Variants in TSPEAR observed in about 807,000 individuals in gnomAD.
TSPEAR encodes the protein thrombospondin-type laminin G domain and EAR repeat-containing protein.
In TSPEAR, 69 loss-of-function variants were observed where a neutral mutation model predicts 71.6. The ratio of observed to expected loss-of-function variants is 0.96; its 90% CI spans 0.79 to 1.18. The LOEUF (loss-of-function observed/expected upper bound fraction) is 1.18, where lower values mean the gene tolerates loss of function less well. Among genes scored for constraint, TSPEAR ranks in the 50% most tolerant of loss-of-function variants. The pLI, the probability that TSPEAR is intolerant of heterozygous loss-of-function variation, is 0.00. For missense variants in TSPEAR, 971 were observed against 894.9 expected (o/e 1.09, Z -1.09); for synonymous variants, 402 against 387.2 (o/e 1.04, Z -0.45).
At chr21:44,573,667 T>TA (rs1978293952) in intron 1 of TSPEAR, 1 of 1,552,742 alleles carries the variant, frequency 6.4e-7, no homozygotes, top group African/African-American at 1.4e-5. Context: ...AGGAGGAGTA[T>TA]AAAAGCCCCA....
chr21:44,619,192 C>A (rs185278269), intron 1 of TSPEAR, among the ~76,000 whole-genome samples: 1 of 152,232 alleles, frequency 6.6e-6, no homozygotes, highest in African/African-American at 2.4e-5. Context: ...CAGCTACAAA[C>A]CCTGAAGAAA....
At chr21:44,579,435 A>G (rs1361851085) in intron 1 of TSPEAR, 10 of 472,068 alleles carry the variant, frequency 2.1e-5, no homozygotes, top group African/African-American at 1.6e-4. Flanking sequence ...TATCCCCAGG[A>G]GCACTACAGA....
chr21:44,572,298 C>T (rs182197624), intron 1 of TSPEAR, among the ~76,000 whole-genome samples: 13 of 152,252 alleles, frequency 8.5e-5, no homozygotes, highest in African/African-American at 2.9e-4. Context: ...CAGGACCCAC[C>T]GGAAGTTGGT....
intron 1 of TSPEAR, chr21:44,702,719 C>G: frequency 6.8e-7 from 1 of 1,463,888 alleles, no homozygotes; most frequent in Non-Finnish European, 9.5e-7. Flanking sequence ...CACCCAGCCT[C>G]CTGCGTGTCC....
At chr21:44,688,313 G>T (rs1986952628) in intron 1 of TSPEAR, among the ~76,000 whole-genome samples, 1 of 152,168 alleles carries the variant, frequency 6.6e-6, no homozygotes. Context: ...AAACAGTGTG[G>T]CTGCCCCAGG....
At chr21:44,647,528 C>G in intron 1 of TSPEAR, 1 of 795,028 alleles carries the variant, frequency 1.3e-6, no homozygotes, top group Non-Finnish European at 2.0e-6. Context: ...TGGGAAGAGA[C>G]AACCCACAAA....
At chr21:44,666,819 G>C (rs200595125) in intron 1 of TSPEAR, 2 of 1,609,628 alleles carry the variant, frequency 1.2e-6, no homozygotes, top group African/African-American at 2.7e-5. Context: ...CACACAACAG[G>C]CTGGCTGGCA....
At chr21:44,665,025 T>C (rs1480997365) in intron 1 of TSPEAR, among the ~76,000 whole-genome samples, 1 of 152,188 alleles carries the variant, frequency 6.6e-6, no homozygotes, top group Non-Finnish European at 1.5e-5. Context: ...AGTGCTTACG[T>C]GTGTGCATAA....
intron 1 of TSPEAR, among the ~76,000 whole-genome samples, chr21:44,703,249 T>C (rs1317075063): frequency 6.6e-6 from 1 of 152,200 alleles, no homozygotes; most frequent in South Asian, 2.1e-4. Context: ...ACGAGCCACG[T>C]CATGGGAGCA....
intron 1 of TSPEAR, among the ~76,000 whole-genome samples, chr21:44,568,422 T>C (rs1328722610): frequency 3.9e-5 from 6 of 152,204 alleles, no homozygotes; most frequent in Non-Finnish European, 8.8e-5. Flanking sequence ...CCCAGGCTCC[T>C]GTCTGCTGGC....
At chr21:44,697,697 T>A in intron 1 of TSPEAR, 1 of 1,612,840 alleles carries the variant, frequency 6.2e-7, no homozygotes, top group Non-Finnish European at 8.5e-7. Context: ...TGTGCCTGTC[T>A]GCTCTGGGGC....
chr21:44,709,438 C>A (rs1267249156), intron 1 of TSPEAR, among the ~76,000 whole-genome samples: 1 of 152,256 alleles, frequency 6.6e-6, no homozygotes, highest in East Asian at 1.9e-4. Flanking sequence ...TTCCCCAAAG[C>A]CTGGCAGTCA....
rs1213939626 is a variant in TSPEAR, at chr21:44,637,341, A to G, written c.83-69336T>C. On this transcript the variant is annotated intron_variant, in intron 1 of 11. Coordinates refer to ENST00000323084, the MANE Select transcript of TSPEAR (RefSeq NM_144991.3). ...GGGCATATAAAAGCCCCAGCAGCTG[A>G]CAGGCTCACACACACACTCACTCAC... 13 of 1,530,744 alleles carry G rather than the reference A, an allele frequency of 8.5e-6. No homozygotes were observed. The Admixed American group carries it at 2.6e-4, about 30-fold the overall frequency. The allele number at this position is 1,530,744 out of a possible 1,614,324, so 94.8% of individuals were successfully genotyped here.
intron 1 of TSPEAR, among the ~76,000 whole-genome samples, chr21:44,580,887 A>G (rs1978927968): frequency 6.6e-6 from 1 of 152,132 alleles, no homozygotes; most frequent in Non-Finnish European, 1.5e-5. Context: ...AATGTGGTGG[A>G]AAATATTTCA....
intron 1 of TSPEAR, among the ~76,000 whole-genome samples, chr21:44,657,590 A>G (rs1555942780): frequency 6.6e-6 from 1 of 152,246 alleles, no homozygotes; most frequent in African/African-American, 2.4e-5. Flanking sequence ...TTAAAGCTCA[A>G]AATACATTAT....
rs1980044115 is a variant in TSPEAR, at chr21:44,592,480, G to T, written c.83-24475C>A. The stretch of plus-strand genomic sequence containing the variant: ...GGAGCAGACGGACATGGTGGACGCG[G>T]CCATGCTGGGGTTGAACTGGTGGAG... On this transcript the variant is annotated intron_variant, in intron 1 of 11. Transcript: ENST00000323084. 3.7e-6 allele frequency: 6 copies of T among 1,608,218 alleles called. No homozygotes were observed. In the Admixed American group the frequency reaches 8.4e-5, roughly 22 times the overall value.
intron 1 of TSPEAR, among the ~76,000 whole-genome samples, chr21:44,570,743 C>T (rs2053781092): frequency 6.6e-6 from 1 of 152,196 alleles, no homozygotes; most frequent in African/African-American, 2.4e-5. Context: ...ATAGAGGAAA[C>T]TGATTAAACC....
At chr21:44,518,399 T>C (rs2052652828) in intron 9 of TSPEAR, 1 of 418,990 alleles carries the variant, frequency 2.4e-6, no homozygotes, top group African/African-American at 2.1e-5. Context: ...ACACTGTAAA[T>C]TGGACTTGGT....
At chr21:44,707,651 C>G (rs543114910) in intron 1 of TSPEAR, among the ~76,000 whole-genome samples, 1 of 152,242 alleles carries the variant, frequency 6.6e-6, no homozygotes, top group Non-Finnish European at 1.5e-5. Context: ...GGCGTGGCCA[C>G]TGACAATTTG....
Sources: gnomAD v4.1 joint callset for allele counts (sites outside exome capture counted in the v4.1 genomes callset) on GRCh38, gnomAD v4.1.1 for gene constraint, MANE v1.5 for transcripts, NCBI Gene and HGNC (gene_info 2026-07-23, HGNC 2026-07-21) for gene names.